The following EYS variants were observed in gnomAD, a reference collection of about 807,000 sequenced individuals.
EYS encodes the protein EGF-like photoreceptor maintenance factor, also known as protein eyes shut homolog.
In EYS, 250 loss-of-function variants were observed where a neutral mutation model predicts 282.1. The observed-to-expected ratio is 0.89, with a 90% CI of 0.80 to 0.98. The LOEUF (loss-of-function observed/expected upper bound fraction) is 0.98, where lower values mean the gene tolerates loss of function less well. Among genes scored for constraint, EYS ranks in the 50% least tolerant of loss-of-function variants. The probability of loss-of-function intolerance (pLI) is 0.00; values close to 1 mark genes in which losing one functional copy is unlikely to be tolerated. For synonymous variants in EYS, 1,355 were observed against 1,282.9 expected (o/e 1.06, Z -1.20); for missense variants, 4,016 against 3,709.0 (o/e 1.08, Z -2.15).
intron 12 of EYS, among the ~76,000 whole-genome samples, chr6:65,277,600 T>C (rs1768085464): frequency 6.6e-6 from 1 of 152,116 alleles, no homozygotes; most frequent in East Asian, 1.9e-4. Flanking sequence ...TTAAGAACAG[T>C]GAAAAATAAA....
intron 12 of EYS, among the ~76,000 whole-genome samples, chr6:65,152,816 T>A: frequency 6.6e-6 from 1 of 151,734 alleles, no homozygotes. Context: ...ATGATAATTT[T>A]AATATTATTC....
At chr6:65,245,989 C>T (rs990775049) in intron 12 of EYS, among the ~76,000 whole-genome samples, 2 of 152,056 alleles carry the variant, frequency 1.3e-5, no homozygotes, top group Non-Finnish European at 2.9e-5. Context: ...ACCTTGTTGT[C>T]TTTCTATTTT....
chr6:64,996,882 G>T (rs9345583), intron 14 of EYS, among the ~76,000 whole-genome samples: 10,321 of 152,236 alleles, frequency 0.068, 443 homozygotes, highest in East Asian at 0.13. Context: ...CAGTTCTGTT[G>T]TTAAGTAACA....
chr6:64,615,887 A>G (rs1367650058), intron 24 of EYS, among the ~76,000 whole-genome samples: 1 of 152,040 alleles, frequency 6.6e-6, no homozygotes, highest in African/African-American at 2.4e-5. Context: ...TATTTAGTAG[A>G]CATGTGGTCT....
intron 22 of EYS, among the ~76,000 whole-genome samples, chr6:64,641,327 A>G (rs1768143616): frequency 1.3e-5 from 2 of 152,190 alleles, no homozygotes; most frequent in South Asian, 2.1e-4. Flanking sequence ...AGTGCAGGAA[A>G]GAACCTCCAC....
intron 11 of EYS, among the ~76,000 whole-genome samples, chr6:65,320,663 T>C (rs1217195694): frequency 2.0e-5 from 3 of 152,200 alleles, no homozygotes; most frequent in African/African-American, 7.2e-5. Flanking sequence ...GGACATGTTG[T>C]CCTTCTGCCA....
intron 31 of EYS, among the ~76,000 whole-genome samples, chr6:64,115,928 A>G (rs956308927): frequency 6.6e-6 from 1 of 152,150 alleles, no homozygotes; most frequent in Non-Finnish European, 1.5e-5. Flanking sequence ...CAATGGCAAA[A>G]CCCACAATTA....
intron 2 of EYS, among the ~76,000 whole-genome samples, chr6:65,562,051 A>T (rs1264583221): frequency 6.6e-6 from 1 of 151,560 alleles, no homozygotes; most frequent in Admixed American, 6.6e-5. Context: ...TAATTTTTGT[A>T]TATAATAATT....
intron 13 of EYS, among the ~76,000 whole-genome samples, chr6:65,033,879 G>A (rs796223679): frequency 3.3e-5 from 5 of 152,180 alleles, no homozygotes; most frequent in African/African-American, 1.2e-4. Context: ...CTGACAGCTT[G>A]CACCCTGTGC....
intron 26 of EYS, among the ~76,000 whole-genome samples, chr6:64,515,708 T>A (rs1378904431): frequency 6.6e-6 from 1 of 151,646 alleles, no homozygotes; most frequent in Non-Finnish European, 1.5e-5. Context: ...GCTGATAATG[T>A]TAATTACTAA....
chr6:64,795,118 C>T (rs965060998), intron 22 of EYS, among the ~76,000 whole-genome samples: 2 of 151,888 alleles, frequency 1.3e-5, no homozygotes, highest in Admixed American at 1.3e-4. Flanking sequence ...GTTTGTAATC[C>T]TAGCTACTCA....
At chr6:64,139,868 C>A (rs1273063818) in intron 31 of EYS, among the ~76,000 whole-genome samples, 2 of 151,788 alleles carry the variant, frequency 1.3e-5, no homozygotes, top group Non-Finnish European at 2.9e-5. Context: ...ACTTGGGAGG[C>A]TGAGGCAGAG....
At chr6:64,886,440 C>T (rs1767089456) in intron 19 of EYS, among the ~76,000 whole-genome samples, 1 of 151,854 alleles carries the variant, frequency 6.6e-6, no homozygotes, top group South Asian at 2.1e-4. Flanking sequence ...GCCATGCAAA[C>T]TTACTAAAGA....
At chr6:65,546,000 TA>T (rs1768370205) in intron 2 of EYS, among the ~76,000 whole-genome samples, 1 of 151,768 alleles carries the variant, frequency 6.6e-6, no homozygotes, top group Non-Finnish European at 1.5e-5. Flanking sequence ...AAAATTTAAT[TA>T]AAAAATATTT....
chr6:64,755,638 A>G (rs1772912345), intron 22 of EYS, among the ~76,000 whole-genome samples: 1 of 152,220 alleles, frequency 6.6e-6, no homozygotes, highest in South Asian at 2.1e-4. Context: ...AACATAATTC[A>G]TAAACAGAAT....
chr6:65,185,881 CCA>C (rs1345764910), intron 12 of EYS, among the ~76,000 whole-genome samples: 1 of 151,454 alleles, frequency 6.6e-6, no homozygotes, highest in African/African-American at 2.4e-5. Flanking sequence ...AGTAGAAGTC[CCA>C]GTTTTACTAT....
chr6:65,507,606 C>T (rs1458675465), intron 2 of EYS, among the ~76,000 whole-genome samples: 1 of 152,020 alleles, frequency 6.6e-6, no homozygotes, highest in East Asian at 1.9e-4. Flanking sequence ...CTTAGATACT[C>T]TGCTGTGATT....
At chr6:65,536,342 G>A in intron 2 of EYS, among the ~76,000 whole-genome samples, 1 of 150,162 alleles carries the variant, frequency 6.7e-6, no homozygotes, top group South Asian at 2.1e-4. Context: ...TTTTTTTCAG[G>A]TAGACAGGGA....
At chr6:64,339,666 A>T (rs1771017824) in intron 29 of EYS, among the ~76,000 whole-genome samples, 1 of 151,912 alleles carries the variant, frequency 6.6e-6, no homozygotes, top group Non-Finnish European at 1.5e-5. Context: ...TATACAAAAG[A>T]TATACTTGCA....
Sources: allele counts gnomAD v4.1 joint callset (sites outside exome capture counted in the v4.1 genomes callset), GRCh38; gene constraint gnomAD v4.1.1; transcripts MANE v1.5; gene names NCBI Gene and HGNC (gene_info 2026-07-23, HGNC 2026-07-21).